Variants in KIAA1210 observed in about 807,000 individuals in gnomAD.
KIAA1210 encodes the protein KIAA1210.
Under a neutral mutation model 78.9 loss-of-function variants are expected in KIAA1210, and 48 were observed. The observed-to-expected ratio is 0.61, with a 90% CI of 0.48 to 0.77. The LOEUF is 0.77. Ranked by LOEUF, KIAA1210 falls within the 30% of genes least tolerant of loss-of-function variation. The pLI is 0.00. For missense variants in KIAA1210, 1,108 were observed against 1,100.0 expected, an observed-to-expected ratio of 1.01 and a Z score of -0.10; for synonymous variants, 406 against 404.5, an observed-to-expected ratio of 1.00 and a Z score of -0.04.
chrX:119,092,591 C>T (rs938994641), intron 8 of KIAA1210, among the ~76,000 whole-genome samples: 12 of 110,068 alleles, frequency 1.1e-4, no homozygotes, highest in Admixed American at 3.9e-4. Context: ...GAAACTCCCT[C>T]TCTACTAAAA....
rs1414889657 is a variant in KIAA1210, at chrX:119,083,059, T to C, written c.4382A>G (p.Gln1461Arg). The C allele has an allele frequency of 3.3e-6, 4 of 1,207,977 alleles. No individual in the cohort carries two copies. In the African/African-American group the frequency reaches 7.0e-5, roughly 21 times the overall value. The change falls in exon 11 of 12, where the codon CAG (glutamine) becomes CGG (arginine). Residue 1461 changes from glutamine (Q) to arginine (R), a missense_variant. Gln to Arg is a conservative substitution (Grantham distance 43, BLOSUM62 1). Transcript: ENST00000691062. ...KKMFTSSVHKQEKTAQMKPPK... is the reference protein window; with the variant it reads ...KKMFTSSVHKREKTAQMKPPK... The stretch of plus-strand genomic sequence containing the variant: ...TGGCTTCATCTGTGCTGTCTTCTCC[T>C]GTTTATGGACACTGGAAGTGAACAT...
chrX:119,086,816 C>T lies in KIAA1210; in HGVS notation c.3886G>A (p.Val1296Ile), dbSNP rs753829536. Residue 1296 changes from valine to isoleucine, a missense_variant, in exon 9 of 12, where the codon GTT becomes ATT. Val to Ile is a conservative substitution (Grantham distance 29). This residue lies in a region of KIAA1210 where 245 missense variants were observed against 278.8 expected (regional missense o/e 0.88). Transcript: ENST00000691062. ...AGTCGAACTCCAAAAAGCTTTTCAACATCATCCTGATTGGATAGGTTTGCA... is the reference window on the plus strand; with the variant it reads ...AGTCGAACTCCAAAAAGCTTTTCAATATCATCCTGATTGGATAGGTTTGCA... ...QHANLSNQDD[V>I]EKLFGVRLKR... 11 of 1,209,670 alleles carry T rather than the reference C, an allele frequency of 9.1e-6. No homozygotes were observed. The South Asian group carries it at 1.2e-4, about 14-fold the overall frequency.
intron 2 of KIAA1210, among the ~76,000 whole-genome samples, chrX:119,145,147 G>A (rs1929137129): frequency 9.0e-6 from 1 of 111,704 alleles, no homozygotes; most frequent in African/African-American, 3.3e-5. Flanking sequence ...CAGAAACTTC[G>A]AGTGAACAGT....
Position 119,105,061 on chromosome X carries a change from A to G in KIAA1210, c.579T>C (p.Ser193=), listed in dbSNP as rs746631336. ...GATTCTTAGGTGACTCATCATCGAG[A>G]GAGATTTCTACCAAGTTCTTAGAAA... The part of the protein sequence containing the change: ...EIISKNLVEI[S]LDDESPKNPQ... The change falls in exon 6 of 12, where the codon TCT becomes TCC. Residue 193 remains serine, a synonymous_variant. Coordinates refer to ENST00000691062, the MANE Select transcript of KIAA1210 (RefSeq NM_001394962.1). 1.7e-6 allele frequency: 2 copies of G among 1,207,898 alleles called. No homozygotes were observed. Among genetic ancestry groups the G allele is most frequent in the African/African-American group, 1.8e-5 (1 of 57,019 alleles).
Position 119,086,760 on chromosome X carries a change from CTT to C in KIAA1210, c.3940_3941del (p.Lys1314GlufsTer2). On this transcript the variant is annotated frameshift_variant, in exon 9 of 12. Transcript: ENST00000691062. LOFTEE classifies it high-confidence loss of function. ...GGGTGAAGTTATCTTGTTTCTCACT[CTT>C]ATACTTCTGCGAGGGAGGGGCTCTT... ...LKRAPPSQKY[K>X]SEKQDNFTQL... is the part of the protein sequence containing the mutation. 1 of 1,210,837 alleles carries C rather than the reference CTT, an allele frequency of 8.3e-7. No individual in the cohort carries two copies. Among genetic ancestry groups the C allele is most frequent in the Non-Finnish European group, 1.1e-6 (1 of 895,103 alleles).
chrX:119,149,835 C>A (rs1456588007), intron 1 of KIAA1210, among the ~76,000 whole-genome samples: 1 of 111,071 alleles, frequency 9.0e-6, no homozygotes, highest in East Asian at 2.8e-4. Flanking sequence ...TTCTTCTCTA[C>A]TCATCCATGT....
intron 1 of KIAA1210, chrX:119,147,624 C>T (rs773779647): frequency 5.8e-6 from 7 of 1,197,288 alleles, no homozygotes; most frequent in Non-Finnish European, 7.9e-6. Context: ...AGGAGTTAAT[C>T]ATTAATGTCT....
intron 7 of KIAA1210, 120 bp from the exon 8 acceptor site, chrX:119,093,895 T>C (rs2147175232): frequency 2.3e-6 from 2 of 877,816 alleles, no homozygotes; most frequent in Admixed American, 5.0e-5. Flanking sequence ...TAACAGTACC[T>C]TTAAAGATGG....
chrX:119,141,575 T>C (rs1337531979), intron 2 of KIAA1210, among the ~76,000 whole-genome samples: 3 of 112,564 alleles, frequency 2.7e-5, no homozygotes, highest in African/African-American at 9.7e-5. Flanking sequence ...AATGTTCAAA[T>C]TAGATGGGTA....
At chrX:119,119,585 C>T (rs1435713546) in intron 2 of KIAA1210, among the ~76,000 whole-genome samples, 8 of 112,435 alleles carry the variant, frequency 7.1e-5, no homozygotes, top group African/African-American at 1.9e-4. Flanking sequence ...TGGCTCACAC[C>T]TGTAATCCCA....
intron 2 of KIAA1210, among the ~76,000 whole-genome samples, chrX:119,117,370 T>TGA (rs1300495983): frequency 3.9e-5 from 4 of 103,725 alleles, no homozygotes; most frequent in Non-Finnish European, 7.8e-5. Context: ...TTTCAAGGAG[T>TGA]GTGTGTGTGT....
intron 1 of KIAA1210, among the ~76,000 whole-genome samples, chrX:119,124,443 A>C (rs889451665): frequency 8.9e-6 from 1 of 112,685 alleles, no homozygotes; most frequent in African/African-American, 3.2e-5. Context: ...TTACCAAAAA[A>C]AGACAAATGC....
chrX:119,131,236 T>A (rs1237873047), upstream of KIAA1210, among the ~76,000 whole-genome samples: 1 of 112,411 alleles, frequency 8.9e-6, no homozygotes, highest in Admixed American at 9.4e-5. Flanking sequence ...CTGGTATGCA[T>A]GTCCTGTAAA....
chrX:119,149,805 A>T (rs376124849), intron 1 of KIAA1210, among the ~76,000 whole-genome samples: 2 of 110,596 alleles, frequency 1.8e-5, no homozygotes, highest in East Asian at 2.8e-4. Flanking sequence ...AATTAAGACA[A>T]CTCGGAAAAT....
intron 6 of KIAA1210, among the ~76,000 whole-genome samples, chrX:119,101,579 G>A (rs1340569240): frequency 9.0e-6 from 1 of 111,368 alleles, no homozygotes; most frequent in Non-Finnish European, 1.9e-5. Context: ...AATAATGGCT[G>A]TAGGGATTTT....
intron 3 of KIAA1210, among the ~76,000 whole-genome samples, chrX:119,113,158 T>A (rs1928134920): frequency 9.0e-6 from 1 of 110,895 alleles, no homozygotes; most frequent in Non-Finnish European, 1.9e-5. Flanking sequence ...GATTAATGAT[T>A]TCTAGGGCCT....
intron 8 of KIAA1210, among the ~76,000 whole-genome samples, chrX:119,090,429 G>T (rs928885226): frequency 7.2e-5 from 8 of 110,479 alleles, no homozygotes; most frequent in Admixed American, 5.8e-4. Flanking sequence ...ATGCCACCAC[G>T]TCCAGATAAC....
intron 6 of KIAA1210, among the ~76,000 whole-genome samples, chrX:119,101,464 A>G (rs1029077969): frequency 1.8e-5 from 2 of 110,954 alleles, no homozygotes; most frequent in African/African-American, 6.6e-5. Flanking sequence ...TCAAAAGCTA[A>G]AAGCATGTGT....
rs1240121271 is a variant in KIAA1210 at position 119,085,477 on chromosome X, T to C, written c.4226A>G (p.Lys1409Arg). The change falls in exon 10 of 12, where the codon AAG (lysine) becomes AGG (arginine). Residue 1409 changes from lysine to arginine, a missense_variant. Lys to Arg is a conservative substitution (Grantham distance 26). Around this residue, in one of 5 missense-constraint regions of KIAA1210, gnomAD observed 245 missense variants for 278.8 expected, o/e 0.88. Transcript: ENST00000691062. Reference sequence around the variant, plus strand: ...AATGTGGGCCTTGAAACTCTTCTGCTTCTGCTTTGCCATAGTTATCCAAAC... The same window carrying C: ...AATGTGGGCCTTGAAACTCTTCTGCCTCTGCTTTGCCATAGTTATCCAAAC... ...EPVWITMAKQ[K>R]QKSFKAHISV... 4.1e-6 allele frequency: 5 copies of C among 1,211,766 alleles called. No individual in the cohort carries two copies. The South Asian group carries it at 8.8e-5, about 21-fold the overall frequency.
Sources: gnomAD v4.1 joint callset for allele counts (sites outside exome capture counted in the v4.1 genomes callset) on GRCh38, gnomAD v4.1.1 for gene constraint, gnomAD v4.1.1 regional missense constraint, MANE v1.5 for transcripts, NCBI Gene and HGNC (gene_info 2026-07-23, HGNC 2026-07-21) for gene names.